The following NEK11 variants were observed in gnomAD, a reference collection of about 807,000 sequenced individuals.
NEK11 encodes the protein serine/threonine-protein kinase Nek11.
A neutral mutation model predicts 80.7 loss-of-function variants in NEK11; 72 were observed. That is an observed-to-expected ratio of 0.89 (90% CI 0.74 to 1.08). NEK11 has a LOEUF of 1.08. Among genes scored for constraint, NEK11 ranks in the 50% least tolerant of loss-of-function variants. The pLI is 0.00. For synonymous variants in NEK11, 251 were observed against 260.7 expected, an observed-to-expected ratio of 0.96 and a Z score of 0.36; for missense variants, 764 against 763.6, an observed-to-expected ratio of 1.00 and a Z score of -0.01.
In NEK11 at chr3:131,168,939, C is replaced by G. The variant is rs780375733; in HGVS notation, c.1284+2C>G. On this transcript the variant is annotated splice_donor_variant, in intron 13 of 17. Coordinates refer to ENST00000383366, the MANE Select transcript of NEK11 (RefSeq NM_024800.5). LOFTEE classifies it high-confidence loss of function. Reference sequence around the variant, plus strand: ...GAGAGGTGGCAAGGCAGGGAAGAGGCAAGTTTAATCATATTCACAAGCACA... The same window carrying G: ...GAGAGGTGGCAAGGCAGGGAAGAGGGAAGTTTAATCATATTCACAAGCACA... 6 of 1,607,892 alleles carry G rather than the reference C, an allele frequency of 3.7e-6. No individual in the cohort carries two copies. In the African/African-American group the frequency reaches 6.7e-5, roughly 18 times the overall value.
chr3:131,230,775 T>C lies in NEK11; in HGVS notation c.1560+2087T>C, dbSNP rs1165484464. On this transcript the variant is annotated intron_variant, in intron 15 of 17. Transcript: ENST00000383366. ...GGACAAGATGCTAAGGCCTCTCATA[T>C]GGTTTGGCTATATCCCCACCCGAAT... Among the ~76,000 whole-genome samples the C allele has an allele frequency of 2.0e-5, 3 of 152,140 alleles. No homozygotes were observed. In the East Asian group the frequency reaches 5.8e-4, roughly 29 times the overall value.
chr3:131,170,722 T>G (rs1292206840), intron 13 of NEK11, 51 bp from the exon 14 acceptor site: 1 of 1,083,508 alleles, frequency 9.2e-7, no homozygotes, highest in Admixed American at 1.7e-5. Context: ...TTTGTGGTAG[T>G]GCTGTTTCCT....
At chr3:131,035,223 C>T (rs914524967) in intron 3 of NEK11, among the ~76,000 whole-genome samples, 1 of 152,066 alleles carries the variant, frequency 6.6e-6, no homozygotes, top group Non-Finnish European at 1.5e-5. Flanking sequence ...TTTTAAAAGT[C>T]CTAGCAAGCT....
In NEK11 at chr3:131,085,420, A is replaced by G. The variant is rs187757681; in HGVS notation, c.336+4832A>G. On this transcript the variant is annotated intron_variant, in intron 4 of 17. Transcript: ENST00000383366. ...GAGATAATATGATAATATTTAATGA[A>G]TTTTCAGGTAGGATTAATGAGTCAT... Among the ~76,000 whole-genome samples the G allele has an allele frequency of 2.0e-4, 31 of 152,294 alleles. No homozygotes were observed. In the East Asian group the frequency reaches 6.0e-3, roughly 29 times the overall value.
At chr3:131,140,638 C>A (rs1448319561) in intron 7 of NEK11, among the ~76,000 whole-genome samples, 1 of 152,122 alleles carries the variant, frequency 6.6e-6, no homozygotes, top group Non-Finnish European at 1.5e-5. Flanking sequence ...CTAATCTAGG[C>A]CTCCGTATGA....
chr3:131,347,556 T>C (rs2097382330), intron 17 of NEK11, among the ~76,000 whole-genome samples: 1 of 152,080 alleles, frequency 6.6e-6, no homozygotes, highest in African/African-American at 2.4e-5. Flanking sequence ...AATGAATGAG[T>C]CTGTGACTAA....
intron 15 of NEK11, among the ~76,000 whole-genome samples, chr3:131,237,999 C>T (rs1009079676): frequency 6.6e-6 from 1 of 152,178 alleles, no homozygotes; most frequent in African/African-American, 2.4e-5. Flanking sequence ...CATCACCTCA[C>T]TAAGCCCCTC....
At chr3:131,049,124 C>T (rs1217148458) in intron 3 of NEK11, among the ~76,000 whole-genome samples, 2 of 152,106 alleles carry the variant, frequency 1.3e-5, no homozygotes, top group Non-Finnish European at 2.9e-5. Context: ...CTAAAAGTTT[C>T]GTTAGTTTAG....
intron 7 of NEK11, among the ~76,000 whole-genome samples, chr3:131,137,005 C>G (rs1160779254): frequency 1.3e-5 from 2 of 152,068 alleles, no homozygotes; most frequent in Non-Finnish European, 2.9e-5. Flanking sequence ...TTGTGAGAAC[C>G]CAACCAGATG....
At chr3:131,253,436 G>T (rs1409602364) in intron 16 of NEK11, among the ~76,000 whole-genome samples, 1 of 152,080 alleles carries the variant, frequency 6.6e-6, no homozygotes, top group Non-Finnish European at 1.5e-5. Context: ...CAGAATGAGG[G>T]CATGGGGAAT....
chr3:131,036,912 T>C (rs2065736583), intron 3 of NEK11, among the ~76,000 whole-genome samples: 2 of 152,232 alleles, frequency 1.3e-5, no homozygotes, highest in Non-Finnish European at 2.9e-5. Flanking sequence ...TCAGTGTATA[T>C]ACAATCTCAC....
At chr3:131,151,523 A>T (rs2089643175) in intron 7 of NEK11, among the ~76,000 whole-genome samples, 1 of 152,230 alleles carries the variant, frequency 6.6e-6, no homozygotes, top group African/African-American at 2.4e-5. Context: ...AGTTACATAA[A>T]ATGTAACTTA....
intron 3 of NEK11, among the ~76,000 whole-genome samples, chr3:131,030,423 A>G (rs1258381708): frequency 2.0e-5 from 3 of 152,324 alleles, no homozygotes; most frequent in African/African-American, 4.8e-5. Flanking sequence ...TGAAAATAAG[A>G]TGTTTGGGCA....
In NEK11 at chr3:131,152,680, A is replaced by T; in HGVS notation, c.847A>T (p.Lys283Ter). The T allele has an allele frequency of 6.2e-7, 1 of 1,613,458 alleles. No individual in the cohort carries two copies. Among genetic ancestry groups the T allele is most frequent in the South Asian group, 1.1e-5 (1 of 91,010 alleles). ...AAGACCATCTGCTATCGAAATTTTA[A>T]AAATCCCTTACCTTGATGAGCAGCT... Reference protein sequence around the residue: ...SLRPSAIEILKIPYLDEQLQN... With the variant: ...SLRPSAIEIL Residue 283 changes from lysine to a stop codon, truncating the protein, a stop_gained, in exon 9 of 18, where the codon AAA becomes TAA. Coordinates refer to ENST00000383366, the MANE Select transcript of NEK11 (RefSeq NM_024800.5). LOFTEE classifies it high-confidence loss of function.
intron 3 of NEK11, among the ~76,000 whole-genome samples, chr3:131,062,187 C>T (rs2148821344): frequency 6.6e-6 from 1 of 152,306 alleles, no homozygotes; most frequent in South Asian, 2.1e-4. Context: ...GGTGACAGAA[C>T]ATGTGTGTAG....
chr3:131,191,573 ATTCT>A (rs1431181964), intron 14 of NEK11, among the ~76,000 whole-genome samples: 1 of 152,150 alleles, frequency 6.6e-6, no homozygotes, highest in Non-Finnish European at 1.5e-5. Flanking sequence ...AACAATCTTA[ATTCT>A]ATCAATCTTA....
intron 16 of NEK11, among the ~76,000 whole-genome samples, chr3:131,262,863 T>C (rs533510705): frequency 7.7e-4 from 117 of 151,702 alleles, no homozygotes; most frequent in African/African-American, 2.6e-3. Context: ...CCTCCCTAAG[T>C]CCATGTGTTC....
chr3:131,125,283 T>C (rs2083120175), intron 5 of NEK11, among the ~76,000 whole-genome samples: 1 of 152,188 alleles, frequency 6.6e-6, no homozygotes, highest in African/African-American at 2.4e-5. Flanking sequence ...AGAATTTGCT[T>C]AGTCAGAATA....
chr3:131,332,655 G>A (rs1227260564), intron 17 of NEK11, among the ~76,000 whole-genome samples: 1 of 152,184 alleles, frequency 6.6e-6, no homozygotes, highest in Non-Finnish European at 1.5e-5. Flanking sequence ...GGCTTCAGAT[G>A]ATCAAAATAC....
Sources: allele counts gnomAD v4.1 joint callset (sites outside exome capture counted in the v4.1 genomes callset), GRCh38; gene constraint gnomAD v4.1.1; transcripts MANE v1.5; gene names NCBI Gene and HGNC (gene_info 2026-07-23, HGNC 2026-07-21).